The following FILIP1 variants were observed in gnomAD, a reference collection of about 807,000 sequenced individuals.
The protein encoded by FILIP1 is filamin A interacting protein 1.
FILIP1 carries 61 observed loss-of-function variants against 102.1 expected under a neutral mutation model. The ratio of observed to expected loss-of-function variants is 0.60; its 90% CI spans 0.49 to 0.74. FILIP1 has a LOEUF of 0.74. FILIP1 is among the 30% of genes least tolerant of loss of function. The pLI is 0.00. For missense variants in FILIP1, 1,314 were observed against 1,441.2 expected (o/e 0.91, Z 1.43); for synonymous variants, 491 against 526.9 (o/e 0.93, Z 0.93).
chr6:75,362,414 A>G (rs1000967098), intron 3 of FILIP1, among the ~76,000 whole-genome samples: 2 of 152,234 alleles, frequency 1.3e-5, no homozygotes, highest in African/African-American at 2.4e-5. Flanking sequence ...TGACAGCTCA[A>G]TGTTAAAACT....
chr6:75,472,464 T>A (rs546816699), intron 1 of FILIP1, among the ~76,000 whole-genome samples: 6 of 152,300 alleles, frequency 3.9e-5, no homozygotes, highest in Middle Eastern at 3.4e-3. Flanking sequence ...ATCCATTTTT[T>A]AAAAATTTTG....
At chr6:75,358,564 A>C (rs903079443) in intron 3 of FILIP1, 12 of 152,206 alleles carry the variant, frequency 7.9e-5, no homozygotes, top group African/African-American at 2.7e-4. Context: ...AGACTGCAAC[A>C]TCTATTCAAA....
At position 75,314,496 on chromosome 6, in the gene FILIP1, T is replaced by C; in HGVS notation, c.1336A>G (p.Lys446Glu). 1 of 1,609,270 alleles carries C rather than the reference T, an allele frequency of 6.2e-7. No homozygotes were observed. The highest frequency in any genetic ancestry group is 8.5e-7 in the Non-Finnish European group (1 of 1,178,840). ...AAATGTAGCTGGGTGCACTCAGATT[T>C]ACTCTTGCTAAATGCTTCTTCCAAT... The part of the protein sequence containing the change: ...EKLEEAFSKS[K>E]SECTQLHLNL... Residue 446 changes from lysine to glutamate, a missense_variant, in exon 5 of 6, where the codon AAA becomes GAA. By Grantham distance (56) the Lys-to-Glu change is moderately conservative. Coordinates refer to ENST00000237172, the MANE Select transcript of FILIP1 (RefSeq NM_015687.5).
intron 1 of FILIP1, among the ~76,000 whole-genome samples, chr6:75,444,463 A>G (rs143553622): frequency 5.3e-5 from 8 of 152,314 alleles, no homozygotes; most frequent in Non-Finnish European, 1.0e-4. Context: ...CATCTTTGTT[A>G]TAAATTTTTT....
At chr6:75,383,679 T>C (rs1163724350) in intron 2 of FILIP1, among the ~76,000 whole-genome samples, 1 of 152,144 alleles carries the variant, frequency 6.6e-6, no homozygotes, top group Admixed American at 6.6e-5. Context: ...CCCAACAACA[T>C]TATGAAGCAC....
At chr6:75,439,795 G>A (rs978694549) in intron 1 of FILIP1, among the ~76,000 whole-genome samples, 5 of 152,156 alleles carry the variant, frequency 3.3e-5, no homozygotes, top group Admixed American at 3.3e-4. Flanking sequence ...ACTAGTGCTT[G>A]GTAAGTTCTT....
At chr6:75,476,691 T>C (rs1779483455) in intron 1 of FILIP1, among the ~76,000 whole-genome samples, 1 of 152,226 alleles carries the variant, frequency 6.6e-6, no homozygotes, top group African/African-American at 2.4e-5. Flanking sequence ...CTTTATATAA[T>C]GAAGATTCTG....
intron 1 of FILIP1, among the ~76,000 whole-genome samples, chr6:75,445,752 C>T (rs1334781393): frequency 6.6e-6 from 1 of 151,264 alleles, no homozygotes; most frequent in Non-Finnish European, 1.5e-5. Flanking sequence ...TCTGCAAAGT[C>T]ATAAGACTGT....
chr6:75,470,094 G>T (rs901602795), intron 1 of FILIP1, among the ~76,000 whole-genome samples: 1 of 152,144 alleles, frequency 6.6e-6, no homozygotes, highest in Non-Finnish European at 1.5e-5. Context: ...ACCATAGTAA[G>T]TTGTATAAAT....
intron 1 of FILIP1, among the ~76,000 whole-genome samples, chr6:75,458,410 G>A (rs1185501280): frequency 6.6e-6 from 1 of 152,170 alleles, no homozygotes; most frequent in Non-Finnish European, 1.5e-5. Flanking sequence ...AAGAACAGAA[G>A]GTCTAGAGGA....
intron 1 of FILIP1, among the ~76,000 whole-genome samples, chr6:75,445,955 T>C (rs1440291751): frequency 1.3e-5 from 2 of 152,162 alleles, no homozygotes; most frequent in Non-Finnish European, 2.9e-5. Context: ...TTTGAAACTT[T>C]CTAAGTATTT....
intron 1 of FILIP1, among the ~76,000 whole-genome samples, chr6:75,479,358 T>A (rs1341368068): frequency 6.6e-6 from 1 of 152,202 alleles, no homozygotes. Context: ...TTGCAGTTGG[T>A]TTTCCCACCA....
At chr6:75,331,641 A>G (rs1473793390) in intron 4 of FILIP1, among the ~76,000 whole-genome samples, 2 of 152,052 alleles carry the variant, frequency 1.3e-5, no homozygotes, top group Non-Finnish European at 2.9e-5. Flanking sequence ...TCCTGTTGTC[A>G]GGCGTATAAC....
At chr6:75,359,714 T>G (rs1199532536) in intron 3 of FILIP1, among the ~76,000 whole-genome samples, 1 of 152,160 alleles carries the variant, frequency 6.6e-6, no homozygotes, top group East Asian at 1.9e-4. Context: ...AATATTTTTG[T>G]TGCCTTGAGT....
At chr6:75,310,160 C>A (rs562848149) in intron 5 of FILIP1, among the ~76,000 whole-genome samples, 1 of 152,272 alleles carries the variant, frequency 6.6e-6, no homozygotes, top group East Asian at 1.9e-4. Flanking sequence ...GCACGCCAGG[C>A]TCCTTCACAC....
intron 2 of FILIP1, chr6:75,366,001 A>G (rs1775316643): frequency 6.6e-6 from 1 of 152,252 alleles, no homozygotes; most frequent in Admixed American, 6.5e-5. Flanking sequence ...GGATTATTCT[A>G]TGACCTCTTT....
chr6:75,300,384 C>G (rs1384049930), intron 6 of FILIP1, among the ~76,000 whole-genome samples: 4 of 152,158 alleles, frequency 2.6e-5, no homozygotes, highest in East Asian at 1.9e-4. Context: ...AGGGGCTCTG[C>G]CTAGAGGTAC....
intron 1 of FILIP1, among the ~76,000 whole-genome samples, chr6:75,476,674 C>T (rs987921481): frequency 1.3e-5 from 2 of 152,150 alleles, no homozygotes; most frequent in African/African-American, 4.8e-5. Flanking sequence ...TGGAATTTAG[C>T]TGAGGACTTT....
intron 2 of FILIP1, among the ~76,000 whole-genome samples, chr6:75,383,698 G>A (rs912223266): frequency 6.6e-6 from 1 of 152,146 alleles, no homozygotes; most frequent in African/African-American, 2.4e-5. Context: ...ACTTAGACAA[G>A]TAATGGACAA....
Sources: gnomAD v4.1 joint callset for allele counts (sites outside exome capture counted in the v4.1 genomes callset) on GRCh38, gnomAD v4.1.1 for gene constraint, MANE v1.5 for transcripts, NCBI Gene and HGNC (gene_info 2026-07-23, HGNC 2026-07-21) for gene names.